The following ANKH variants were observed in gnomAD, a reference collection of about 807,000 sequenced individuals.
ANKH encodes the protein mineralization regulator ANKH.
A neutral mutation model predicts 49.0 loss-of-function variants in ANKH; 15 were observed. That is an observed-to-expected ratio of 0.31 (90% confidence interval 0.20 to 0.47). The LOEUF (loss-of-function observed/expected upper bound fraction) is 0.47. ANKH is among the 20% of genes least tolerant of loss of function. ANKH has a pLI of 1.00. For missense variants in ANKH, 429 were observed against 652.0 expected, an observed-to-expected ratio of 0.66 and a Z score of 3.72; for synonymous variants, 273 against 260.0, an observed-to-expected ratio of 1.05 and a Z score of -0.48.
At chr5:14,791,599 C>T (rs991853242) in intron 1 of ANKH, among the ~76,000 whole-genome samples, 6 of 152,044 alleles carry the variant, frequency 3.9e-5, no homozygotes, top group African/African-American at 1.4e-4. Flanking sequence ...TTGACTTTTG[C>T]CTAGTCAAAA....
chr5:14,863,224 T>A lies in ANKH; in HGVS notation c.96+8128A>T, dbSNP rs183961263. On this transcript the variant is annotated intron_variant, in intron 1 of 11. Transcript: ENST00000284268. ...AGCAGGCACATAGCCTATAAAAAAA[T>A]TTTTTTTAAACCCTACCACACACCT... 7.3e-3 allele frequency among the ~76,000 whole-genome samples: 1,111 copies of A among 152,032 alleles called. 6 individuals carry two copies. The highest frequency in any genetic ancestry group is 0.012 in the Non-Finnish European group (787 of 67,966).
intron 1 of ANKH, among the ~76,000 whole-genome samples, chr5:14,804,115 C>T (rs1323453833): frequency 6.6e-6 from 1 of 152,108 alleles, no homozygotes; most frequent in Non-Finnish European, 1.5e-5. Flanking sequence ...AGGCTGGTCT[C>T]GAACTTCTGA....
At chr5:14,778,063 T>C (rs1462448431) in intron 1 of ANKH, among the ~76,000 whole-genome samples, 1 of 152,204 alleles carries the variant, frequency 6.6e-6, no homozygotes. Context: ...TGGCACTGCA[T>C]GGCCTTTGAC....
At chr5:14,813,067 C>T (rs950027419) in intron 1 of ANKH, among the ~76,000 whole-genome samples, 1 of 151,896 alleles carries the variant, frequency 6.6e-6, no homozygotes, top group Non-Finnish European at 1.5e-5. Flanking sequence ...ATAGTGAAAC[C>T]CTATCTCTAC....
chr5:14,829,994 G>A (rs1006391439), intron 1 of ANKH, among the ~76,000 whole-genome samples: 4 of 152,156 alleles, frequency 2.6e-5, no homozygotes, highest in African/African-American at 9.7e-5. Flanking sequence ...TTTCTGGATT[G>A]GGCAAGAGGA....
At chr5:14,867,912 T>TC (rs1401199787) in intron 1 of ANKH, among the ~76,000 whole-genome samples, 3 of 151,888 alleles carry the variant, frequency 2.0e-5, no homozygotes, top group Non-Finnish European at 4.4e-5. Context: ...ATTCAAACGC[T>TC]CCCCCCACCA....
chr5:14,842,043 T>C (rs1207020921), intron 1 of ANKH, among the ~76,000 whole-genome samples: 1 of 152,156 alleles, frequency 6.6e-6, no homozygotes, highest in Non-Finnish European at 1.5e-5. Flanking sequence ...GAGCAATTTG[T>C]ACCACAAAAA....
At chr5:14,741,766 C>A in intron 8 of ANKH, 61 bp downstream of exon 8, 1 of 1,264,708 alleles carries the variant, frequency 7.9e-7, no homozygotes, top group Non-Finnish European at 1.2e-6. Flanking sequence ...TTTAAAATAG[C>A]AACTTGCCCC....
rs1376829168 is a variant in ANKH at position 14,745,487 on chromosome 5, GCCTACA to G, written c.915+377_915+382del. Reference sequence around the variant, plus strand: ...GAAAGACAGCCACGCACGGCTTCCTGCCTACACCTTAGCCATCTGGTATGGGGTCAG... The same window carrying G: ...GAAAGACAGCCACGCACGGCTTCCTGCCTTAGCCATCTGGTATGGGGTCAG... On this transcript the variant is annotated intron_variant, in intron 7 of 11. Transcript: ENST00000284268. This position sits in a 1 kb window ranked among gnomAD's most constrained non-coding sequence, Gnocchi z 4.7. 6.6e-6 allele frequency among the ~76,000 whole-genome samples: 1 copy of G among 152,150 alleles called. No homozygotes were observed. Among genetic ancestry groups the G allele is most frequent in the Non-Finnish European group, 1.5e-5 (1 of 68,032 alleles).
chr5:14,792,987 TAAAA>T (rs1252351983), intron 1 of ANKH, among the ~76,000 whole-genome samples: 2 of 107,626 alleles, frequency 1.9e-5, no homozygotes, highest in African/African-American at 7.4e-5. Context: ...TATATATATA[TAAAA>T]ATATATATAT....
intron 1 of ANKH, among the ~76,000 whole-genome samples, chr5:14,812,038 A>G (rs1225769399): frequency 1.4e-5 from 2 of 145,626 alleles, no homozygotes; most frequent in Non-Finnish European, 1.5e-5. Flanking sequence ...TTCTCTCTCT[A>G]TTTATTTTCC....
chr5:14,860,322 C>A (rs965280992), intron 1 of ANKH, among the ~76,000 whole-genome samples: 1 of 152,170 alleles, frequency 6.6e-6, no homozygotes, highest in African/African-American at 2.4e-5. Context: ...GTCACTGTGG[C>A]CTTGGACTTG....
At chr5:14,864,025 G>A (rs1735576124) in intron 1 of ANKH, among the ~76,000 whole-genome samples, 1 of 151,996 alleles carries the variant, frequency 6.6e-6, no homozygotes, top group Admixed American at 6.6e-5. Flanking sequence ...GACCAGCTTG[G>A]GCAACATCAC....
chr5:14,798,585 T>C (rs989679382), intron 1 of ANKH, among the ~76,000 whole-genome samples: 1 of 152,130 alleles, frequency 6.6e-6, no homozygotes, highest in Non-Finnish European at 1.5e-5. Flanking sequence ...ATGCTCACTC[T>C]CTGTCTCTTT....
chr5:14,791,100 G>C lies in ANKH; in HGVS notation c.97-21909C>G, dbSNP rs1418228571. Among the ~76,000 whole-genome samples the C allele has an allele frequency of 3.9e-5, 6 of 152,328 alleles. No homozygotes were observed. The East Asian group carries it at 1.2e-3, about 29-fold the overall frequency. Reference sequence around the variant, plus strand: ...TTTACCCAAGGCCATTAAGCTATTAGTGGCAATATTGGGACTTTGGCCTCT... The same window carrying C: ...TTTACCCAAGGCCATTAAGCTATTACTGGCAATATTGGGACTTTGGCCTCT... On this transcript the variant is annotated intron_variant, in intron 1 of 11. Coordinates refer to ENST00000284268, the MANE Select transcript of ANKH (RefSeq NM_054027.6).
At chr5:14,826,813 G>C (rs577016388) in intron 1 of ANKH, among the ~76,000 whole-genome samples, 18 of 152,160 alleles carry the variant, frequency 1.2e-4, no homozygotes, top group Non-Finnish European at 2.1e-4. Context: ...CCATCGATTT[G>C]CTCTCCATAT....
chr5:14,805,487 C>T (rs1374974827), intron 1 of ANKH, among the ~76,000 whole-genome samples: 2 of 130,974 alleles, frequency 1.5e-5, no homozygotes, highest in East Asian at 4.4e-4. Context: ...TTATAGGATA[C>T]ACACACACAC....
intron 2 of ANKH, among the ~76,000 whole-genome samples, chr5:14,764,927 A>G (rs897983158): frequency 2.0e-5 from 3 of 152,252 alleles, no homozygotes; most frequent in African/African-American, 7.2e-5. Flanking sequence ...ATAAACGTGT[A>G]AAGAAAGTTA....
At chr5:14,741,713 T>C (rs926653774) in intron 8 of ANKH, 114 bp downstream of exon 8, 5 of 781,394 alleles carry the variant, frequency 6.4e-6, no homozygotes, top group Non-Finnish European at 1.1e-5. Context: ...GATTGCTAAT[T>C]AATCCAGCAT....
Sources: allele counts gnomAD v4.1 joint callset (sites outside exome capture counted in the v4.1 genomes callset), GRCh38; gene constraint gnomAD v4.1.1; non-coding constraint Gnocchi (gnomAD v3.1); transcripts MANE v1.5; gene names NCBI Gene and HGNC (gene_info 2026-07-23, HGNC 2026-07-21).